Variants in GRM5 observed in about 807,000 individuals in gnomAD.
GRM5 encodes glutamate metabotropic receptor 5, also known as metabotropic glutamate receptor 5.
A neutral mutation model predicts 83.1 loss-of-function variants in GRM5; 19 were observed. That is an observed-to-expected ratio of 0.23 (90% confidence interval 0.16 to 0.34). The LOEUF is 0.34. GRM5 is among the 10% of genes least tolerant of loss of function. The pLI, the probability that GRM5 is intolerant of heterozygous loss-of-function variation, is 1.00. For synonymous variants in GRM5, 675 were observed against 633.6 expected (o/e 1.07, Z -0.98); for missense variants, 1,160 against 1,588.3 (o/e 0.73, Z 4.58).
intron 4 of GRM5, among the ~76,000 whole-genome samples, chr11:88,624,288 A>G (rs911638968): frequency 2.0e-5 from 3 of 152,200 alleles, no homozygotes; most frequent in Admixed American, 2.0e-4. Context: ...CACAAGGGAG[A>G]ATACCTTCCC....
intron 8 of GRM5, among the ~76,000 whole-genome samples, chr11:88,533,023 T>C (rs915138312): frequency 2.6e-5 from 4 of 152,132 alleles, no homozygotes; most frequent in Non-Finnish European, 5.9e-5. Flanking sequence ...GTTACTAAAT[T>C]TCCCCAACCC....
intron 3 of GRM5, among the ~76,000 whole-genome samples, chr11:88,727,723 A>T (rs1220545998): frequency 6.6e-6 from 1 of 152,258 alleles, no homozygotes; most frequent in African/African-American, 2.4e-5. Flanking sequence ...CAGGATTAAG[A>T]AAGTCACTCA....
At chr11:88,781,217 A>G (rs190170204) in intron 3 of GRM5, among the ~76,000 whole-genome samples, 23 of 151,634 alleles carry the variant, frequency 1.5e-4, no homozygotes, top group Non-Finnish European at 1.9e-4. Context: ...GAAGTGTTTA[A>G]GAAAATAAGA....
intron 2 of GRM5, among the ~76,000 whole-genome samples, chr11:88,957,562 T>C (rs1938660447): frequency 6.6e-6 from 1 of 152,180 alleles, no homozygotes; most frequent in Non-Finnish European, 1.5e-5. Flanking sequence ...GTAATGGAGA[T>C]TGAGACATCA....
intron 2 of GRM5, among the ~76,000 whole-genome samples, chr11:88,906,487 A>G (rs1945406367): frequency 6.6e-6 from 1 of 152,178 alleles, no homozygotes; most frequent in Non-Finnish European, 1.5e-5. Context: ...AAAGTTCAAA[A>G]GCCCTGGATT....
At chr11:88,544,910 C>T (rs978084922) in intron 8 of GRM5, among the ~76,000 whole-genome samples, 2 of 152,284 alleles carry the variant, frequency 1.3e-5, no homozygotes, top group Non-Finnish European at 2.9e-5. Flanking sequence ...AAGGTTTGCA[C>T]TATAGAATCC....
rs1343240081 is a variant in GRM5 at position 88,687,537 on chromosome 11, T to TACAC, written c.912-34138_912-34135dup. On this transcript the variant is annotated intron_variant, in intron 3 of 9. Coordinates refer to ENST00000305447, the MANE Select transcript of GRM5 (RefSeq NM_001143831.3). ...ACACACACACACACATACATATATA[T>TACAC]ACACACACACACACACATATATATT... is the stretch of plus-strand genomic sequence containing the variant. 3.9e-4 allele frequency among the ~76,000 whole-genome samples: 20 copies of TACAC among 51,096 alleles called. No homozygotes were observed. The East Asian group carries it at 4.7e-3, about 12-fold the overall frequency. 33.5% of individuals were successfully genotyped at this position (51,096 alleles called of 152,430 possible).
chr11:88,763,532 G>A (rs1384019975), intron 3 of GRM5, among the ~76,000 whole-genome samples: 1 of 142,424 alleles, frequency 7.0e-6, no homozygotes, highest in African/African-American at 2.4e-5. Context: ...AGACAAATGT[G>A]TTTAAAGTAT....
chr11:88,963,197 C>T (rs1183532048), intron 2 of GRM5, among the ~76,000 whole-genome samples: 3 of 152,128 alleles, frequency 2.0e-5, no homozygotes, highest in Non-Finnish European at 4.4e-5. Context: ...ACAAAGGAAA[C>T]ATTTCAGACA....
At chr11:88,882,819 C>T (rs1407310271) in intron 2 of GRM5, among the ~76,000 whole-genome samples, 5 of 152,058 alleles carry the variant, frequency 3.3e-5, no homozygotes, top group Non-Finnish European at 7.3e-5. Context: ...AAATAATTCC[C>T]ACGTGTCATG....
intron 3 of GRM5, among the ~76,000 whole-genome samples, chr11:88,838,245 C>T (rs1291751783): frequency 6.6e-6 from 1 of 151,956 alleles, no homozygotes; most frequent in Non-Finnish European, 1.5e-5. Flanking sequence ...TTGAGGGGAA[C>T]TTTTATGCTC....
intron 3 of GRM5, among the ~76,000 whole-genome samples, chr11:88,827,717 T>G (rs1369351992): frequency 6.6e-6 from 1 of 152,238 alleles, no homozygotes; most frequent in East Asian, 1.9e-4. Context: ...TTTCTTCAGC[T>G]TATTTATTTC....
chr11:88,796,670 T>C (rs932127460), intron 3 of GRM5, among the ~76,000 whole-genome samples: 1 of 152,180 alleles, frequency 6.6e-6, no homozygotes, highest in African/African-American at 2.4e-5. Context: ...CCATGGATCC[T>C]GCATTATATA....
At chr11:89,000,789 G>A (rs1940351603) in intron 2 of GRM5, among the ~76,000 whole-genome samples, 1 of 151,928 alleles carries the variant, frequency 6.6e-6, no homozygotes, top group Non-Finnish European at 1.5e-5. Flanking sequence ...ACTGGGAGAA[G>A]ATATTTGCAA....
rs1483658553 is a variant in GRM5 at position 88,856,414 on chromosome 11, C to T, written c.662-6259G>A. Among the ~76,000 whole-genome samples the T allele has an allele frequency of 2.0e-5, 3 of 152,204 alleles. No homozygotes were observed. The East Asian group carries it at 5.8e-4, about 29-fold the overall frequency. ...TCACTGCCTTTCACGTCCACTTCCACATATTGCCCACTGGAAGGCCTTTAG... is the reference window on the plus strand; with the variant it reads ...TCACTGCCTTTCACGTCCACTTCCATATATTGCCCACTGGAAGGCCTTTAG... On this transcript the variant is annotated intron_variant, in intron 2 of 9. Coordinates refer to ENST00000305447, the MANE Select transcript of GRM5 (RefSeq NM_001143831.3).
Position 89,064,988 on chromosome 11 carries a change from G to A in GRM5, c.-201+788C>T, listed in dbSNP as rs552203464. On this transcript the variant is annotated intron_variant, in intron 1 of 9. Transcript: ENST00000305447. ...CCAAAGTTCCATAAAGGAACCAAGA[G>A]TAAACATGTCTTCCAAGCTCCACTG... is the stretch of plus-strand genomic sequence containing the variant. 8.0e-4 allele frequency among the ~76,000 whole-genome samples: 118 copies of A among 146,758 alleles called. 1 individual carries two copies. The highest frequency in any genetic ancestry group is 2.7e-3 in the African/African-American group (107 of 40,108).
At chr11:88,618,609 A>G (rs1033402673) in intron 4 of GRM5, among the ~76,000 whole-genome samples, 2 of 152,044 alleles carry the variant, frequency 1.3e-5, no homozygotes, top group African/African-American at 4.8e-5. Flanking sequence ...TGTCCTCAAA[A>G]AAAAAAAAAC....
chr11:88,767,315 G>A (rs781710392), intron 3 of GRM5, among the ~76,000 whole-genome samples: 11 of 151,770 alleles, frequency 7.2e-5, no homozygotes, highest in East Asian at 1.9e-4. Context: ...TCCAGAAATC[G>A]CATTATTAGG....
chr11:88,950,349 T>C (rs1380450635), intron 2 of GRM5, among the ~76,000 whole-genome samples: 1 of 85,612 alleles, frequency 1.2e-5, no homozygotes, highest in African/African-American at 3.2e-5. Flanking sequence ...ATTTGTGAGA[T>C]AAGTGTGTGT....
Sources: allele counts gnomAD v4.1 joint callset (sites outside exome capture counted in the v4.1 genomes callset), GRCh38; gene constraint gnomAD v4.1.1; transcripts MANE v1.5; gene names NCBI Gene and HGNC (gene_info 2026-07-23, HGNC 2026-07-21).